Variants in PROM1 observed in about 807,000 individuals in gnomAD.
PROM1 encodes the protein prominin-1.
PROM1 carries 105 observed loss-of-function variants against 116.9 expected under a neutral mutation model. The observed-to-expected ratio is 0.90, with a 90% CI of 0.77 to 1.06. The LOEUF (loss-of-function observed/expected upper bound fraction) is 1.06, where lower values mean the gene tolerates loss of function less well. Among genes scored for constraint, PROM1 ranks in the 50% least tolerant of loss-of-function variants. The probability of loss-of-function intolerance (pLI) is 0.00; values close to 1 mark genes in which losing one functional copy is unlikely to be tolerated. For missense variants in PROM1, 1,122 were observed against 1,045.2 expected (o/e 1.07, Z -1.01); for synonymous variants, 393 against 387.0 (o/e 1.02, Z -0.18).
intron 1 of PROM1, chr4:16,083,245 C>G (rs1056031120): frequency 1.3e-5 from 2 of 152,212 alleles, no homozygotes; most frequent in East Asian, 3.9e-4. Context: ...GGTCACCGTT[C>G]TCCCCGAGAG....
At chr4:16,031,928 CAAGTTTCAGTT>C (rs1732789643) in intron 5 of PROM1, among the ~76,000 whole-genome samples, 2 of 152,074 alleles carry the variant, frequency 1.3e-5, no homozygotes. Context: ...TGTCACTGTT[CAAGTTTCAGTT>C]AAGTTAATTC....
chr4:16,080,295 C>T (rs193188402), intron 1 of PROM1, among the ~76,000 whole-genome samples: 10 of 151,694 alleles, frequency 6.6e-5, no homozygotes, highest in Non-Finnish European at 1.0e-4. Context: ...CCGAGGCGGG[C>T]GGATCACGAG....
chr4:16,078,050 A>G (rs1449214705), intron 1 of PROM1: 2 of 152,214 alleles, frequency 1.3e-5, no homozygotes, highest in African/African-American at 4.8e-5. Context: ...CCACCTCTAC[A>G]ACTAGGGGTC....
In PROM1 at chr4:16,033,295, T is replaced by C; in HGVS notation, c.509+9A>G. 1 of 1,602,600 alleles carries C rather than the reference T, an allele frequency of 6.2e-7. No homozygotes were observed. Among genetic ancestry groups the C allele is most frequent in the Non-Finnish European group, 8.5e-7 (1 of 1,171,716 alleles). On this transcript the variant is annotated intron_variant, in intron 5 of 27. Coordinates refer to ENST00000447510, the MANE Select transcript of PROM1 (RefSeq NM_006017.3). Reference sequence around the variant, plus strand: ...AACACAATCAGTTGTTGTCCAATATTGTACTTGCCTTATTATTATACAAAT... The same window carrying C: ...AACACAATCAGTTGTTGTCCAATATCGTACTTGCCTTATTATTATACAAAT...
In PROM1 at chr4:15,974,254, A is replaced by G. The variant is rs115466793; in HGVS notation, c.2583-3172T>C. ...TCACCCAATATTTCCTGAAATGAAA[A>G]TGCCTCCACTTGCTCCGCAGACTGT... is the stretch of plus-strand genomic sequence containing the variant. On this transcript the variant is annotated intron_variant, in intron 26 of 27. Transcript: ENST00000447510. Among the ~76,000 whole-genome samples the G allele has an allele frequency of 2.9e-3, 443 of 152,232 alleles. 2 individuals are homozygous for G. Among genetic ancestry groups the G allele is most frequent in the African/African-American group, 1.0e-2 (414 of 41,542 alleles).
At chr4:16,060,177 C>T (rs1341961970) in intron 2 of PROM1, among the ~76,000 whole-genome samples, 1 of 152,132 alleles carries the variant, frequency 6.6e-6, no homozygotes, top group South Asian at 2.1e-4. Flanking sequence ...CTTTGTACTT[C>T]TGAATTTTCA....
chr4:16,032,825 G>C (rs1733043288), intron 5 of PROM1, among the ~76,000 whole-genome samples: 1 of 152,168 alleles, frequency 6.6e-6, no homozygotes, highest in African/African-American at 2.4e-5. Context: ...AGAAAAATGA[G>C]TTTATTATTA....
At chr4:16,052,476 G>A (rs1164277244) in intron 2 of PROM1, among the ~76,000 whole-genome samples, 1 of 152,132 alleles carries the variant, frequency 6.6e-6, no homozygotes, top group Non-Finnish European at 1.5e-5. Context: ...TATAGTAAAT[G>A]CTTTATTTTT....
intron 5 of PROM1, among the ~76,000 whole-genome samples, chr4:16,029,435 T>C (rs781170750): frequency 1.8e-4 from 27 of 151,916 alleles, no homozygotes; most frequent in Non-Finnish European, 2.8e-4. Flanking sequence ...GAGAAGAAAG[T>C]TGGCTTTTTC....
chr4:15,989,623 C>G, intron 19 of PROM1, 109 bp downstream of exon 19: 1 of 931,996 alleles, frequency 1.1e-6, no homozygotes, highest in Non-Finnish European at 1.7e-6. Context: ...AGCCAGTCAG[C>G]TGGGACCTAT....
intron 22 of PROM1, chr4:15,985,512 T>G (rs1008784231): frequency 2.2e-6 from 1 of 464,168 alleles, no homozygotes; most frequent in African/African-American, 2.0e-5. Flanking sequence ...CTTTGTTACC[T>G]GAAAAAGGGG....
chr4:16,082,123 G>A (rs1341459512), intron 1 of PROM1: 1 of 152,148 alleles, frequency 6.6e-6, no homozygotes, highest in Non-Finnish European at 1.5e-5. Context: ...CAGCTGGAAG[G>A]CTATCTGGGG....
In PROM1 at chr4:16,046,187, G is replaced by A. The variant is rs1172624699; in HGVS notation, c.221-7186C>T. On this transcript the variant is annotated intron_variant, in intron 2 of 27. Coordinates refer to ENST00000447510, the MANE Select transcript of PROM1 (RefSeq NM_006017.3). ...TGGGTCCAGCCTGCCCTTTCTGGAGGAGAATGCAGATTTAACTCAAGAGGC... is the reference window on the plus strand; with the variant it reads ...TGGGTCCAGCCTGCCCTTTCTGGAGAAGAATGCAGATTTAACTCAAGAGGC... Among the ~76,000 whole-genome samples, 3 of 152,192 alleles carry A rather than the reference G, an allele frequency of 2.0e-5. No homozygotes were observed. The East Asian group carries it at 5.8e-4, about 29-fold the overall frequency.
intron 2 of PROM1, among the ~76,000 whole-genome samples, chr4:16,059,745 G>T (rs1310393656): frequency 1.3e-5 from 2 of 152,156 alleles, no homozygotes; most frequent in East Asian, 1.9e-4. Context: ...ATTTCTAGGA[G>T]TTTACCCCAT....
At chr4:16,066,295 T>C (rs946331528) in intron 2 of PROM1, among the ~76,000 whole-genome samples, 1 of 152,226 alleles carries the variant, frequency 6.6e-6, no homozygotes, top group Non-Finnish European at 1.5e-5. Context: ...TTAATAAATA[T>C]GGATTTTATA....
chr4:16,026,395 A>C (rs958849245), intron 5 of PROM1, among the ~76,000 whole-genome samples: 4 of 152,174 alleles, frequency 2.6e-5, no homozygotes, highest in Admixed American at 2.0e-4. Context: ...TAGCCGAACT[A>C]TTTTTACCTG....
intron 17 of PROM1, among the ~76,000 whole-genome samples, chr4:15,991,735 CTA>C (rs755168597): frequency 6.6e-6 from 1 of 151,440 alleles, no homozygotes; most frequent in Non-Finnish European, 1.5e-5. Context: ...GGGATCGAGA[CTA>C]TCCTGGCAAA....
chr4:15,994,251 T>G (rs190183842), intron 15 of PROM1, among the ~76,000 whole-genome samples, 180 bp from the exon 16 acceptor site: 1 of 152,216 alleles, frequency 6.6e-6, no homozygotes, highest in Non-Finnish European at 1.5e-5. Context: ...TCTGACTTCT[T>G]GCCTTGCTTT....
chr4:16,003,527 G>T (rs1724416272), intron 13 of PROM1, among the ~76,000 whole-genome samples: 3 of 152,172 alleles, frequency 2.0e-5, no homozygotes, highest in Admixed American at 2.0e-4. Flanking sequence ...ACCTAAAATG[G>T]GAAGTTTTAT....
Sources: gnomAD v4.1 joint callset for allele counts (sites outside exome capture counted in the v4.1 genomes callset) on GRCh38, gnomAD v4.1.1 for gene constraint, MANE v1.5 for transcripts, NCBI Gene and HGNC (gene_info 2026-07-23, HGNC 2026-07-21) for gene names.